Variants in C10orf71 observed in about 807,000 individuals in gnomAD.
C10orf71 encodes chromosome 10 open reading frame 71.
For synonymous variants in C10orf71, 758 were observed against 726.3 expected, an observed-to-expected ratio of 1.04 and a Z score of -0.70; for missense variants, 1,869 against 1,804.5, an observed-to-expected ratio of 1.04 and a Z score of -0.65.
In C10orf71 at chr10:49,325,506, CG is replaced by C; in HGVS notation, c.2963del (p.Gly988ValfsTer24). ...PGLVASNCKS[G>X]SADSGKLAAP... Reference sequence around the variant, plus strand: ...GCCTCGTGGCAAGCAATTGCAAGAGCGGTTCTGCAGACTCAGGGAAGCTGGC... The same window carrying C: ...GCCTCGTGGCAAGCAATTGCAAGAGCGTTCTGCAGACTCAGGGAAGCTGGC... On this transcript the variant is annotated frameshift_variant, in exon 3 of 3. Transcript: ENST00000374144. LOFTEE classifies it low-confidence loss of function (END_TRUNC). 1 of 1,550,468 alleles carries C rather than the reference CG, an allele frequency of 6.4e-7. No individual in the cohort carries two copies. Among genetic ancestry groups the C allele is most frequent in the Non-Finnish European group, 8.7e-7 (1 of 1,146,196 alleles).
intron 1 of C10orf71, among the ~76,000 whole-genome samples, chr10:49,313,246 A>G (rs1848946160): frequency 6.6e-6 from 1 of 152,236 alleles, no homozygotes; most frequent in Non-Finnish European, 1.5e-5. Context: ...GCTCTGAAGC[A>G]CATGTTGGAG....
At chr10:49,301,225 C>T (rs577547745) in intron 1 of C10orf71, among the ~76,000 whole-genome samples, 9 of 152,298 alleles carry the variant, frequency 5.9e-5, no homozygotes, top group Non-Finnish European at 5.9e-5. Context: ...GAGAAGGCCA[C>T]GCTACAGGGG....
chr10:49,327,481 T>A lies in C10orf71; in HGVS notation c.*628T>A. On this transcript the variant is annotated 3_prime_UTR_variant, in exon 3 of 3. Transcript: ENST00000374144. ...TTAAAAAGTGAAACAAGTTTGCAGA[T>A]ACGGTTCTCTTCCTGGACTCCTGTC... The A allele has an allele frequency of 5.8e-6, 1 of 173,650 alleles. No individual in the cohort carries two copies. 10.8% of individuals were successfully genotyped at this position (173,650 alleles called of 1,614,324 possible).
At chr10:49,314,027 C>T (rs549096850) in intron 1 of C10orf71, among the ~76,000 whole-genome samples, 2 of 152,232 alleles carry the variant, frequency 1.3e-5, no homozygotes, top group South Asian at 4.2e-4. Context: ...AGAGACTAAA[C>T]ATCCAGACAG....
chr10:49,315,404 A>G (rs1033334062), intron 1 of C10orf71, among the ~76,000 whole-genome samples: 9 of 152,326 alleles, frequency 5.9e-5, no homozygotes, highest in African/African-American at 2.2e-4. Context: ...TAGCTGTCAG[A>G]AGACTCAAGC....
At chr10:49,312,739 C>A (rs1001219669) in intron 1 of C10orf71, among the ~76,000 whole-genome samples, 1 of 152,210 alleles carries the variant, frequency 6.6e-6, no homozygotes, top group Non-Finnish European at 1.5e-5. Context: ...CTGGAGCCAG[C>A]TTGTCAACAG....
At chr10:49,308,095 A>G (rs1848847212) in intron 1 of C10orf71, among the ~76,000 whole-genome samples, 1 of 152,170 alleles carries the variant, frequency 6.6e-6, no homozygotes, top group African/African-American at 2.4e-5. Flanking sequence ...CAGAGAAAGC[A>G]TCACTCCTCC....
chr10:49,302,552 C>A (rs1848746664), intron 1 of C10orf71, among the ~76,000 whole-genome samples: 1 of 152,190 alleles, frequency 6.6e-6, no homozygotes, highest in African/African-American at 2.4e-5. Context: ...TCTTGTGAGC[C>A]CCCTCACGGA....
Position 49,326,245 on chromosome 10 carries a change from G to A in C10orf71, c.3700G>A (p.Val1234Met), listed in dbSNP as rs1273177861. ...PRERPRHNFP[V>M]VRSLPPPVHR... is the part of the protein sequence containing the mutation. ...AGAGAGGCCCCGACACAATTTCCCC[G>A]TGGTCCGTTCCCTGCCCCCTCCCGT... Residue 1234 changes from valine to methionine, a missense_variant, in exon 3 of 3, where the codon GTG becomes ATG. Val to Met is a conservative substitution (Grantham distance 21). Transcript: ENST00000374144. 2 of 1,550,434 alleles carry A rather than the reference G, an allele frequency of 1.3e-6. No homozygotes were observed. Among genetic ancestry groups the A allele is most frequent in the Non-Finnish European group, 1.7e-6 (2 of 1,146,948 alleles).
chr10:49,326,469 C>A lies in C10orf71; in HGVS notation c.3924C>A (p.Val1308=). The change falls in exon 3 of 3, where the codon GTC becomes GTA. Residue 1308 remains valine, a synonymous_variant. Coordinates refer to ENST00000374144, the MANE Select transcript of C10orf71 (RefSeq NM_001135196.2). ...TFYDPETGKY[V]KVSIPSSEGA... is the part of the protein sequence containing the mutation. ...ATGACCCAGAGACGGGCAAGTATGT[C>A]AAGGTCTCCATCCCGTCCTCCGAGG... 6.5e-7 allele frequency: 1 copy of A among 1,550,244 alleles called. No homozygotes were observed. Among genetic ancestry groups the A allele is most frequent in the Non-Finnish European group, 8.7e-7 (1 of 1,146,770 alleles).
At position 49,325,087 on chromosome 10, in the gene C10orf71, G is replaced by T; in HGVS notation, c.2542G>T (p.Ala848Ser). 1 of 1,551,922 alleles carries T rather than the reference G, an allele frequency of 6.4e-7. No homozygotes were observed. The highest frequency in any genetic ancestry group is 8.7e-7 in the Non-Finnish European group (1 of 1,147,058). The change falls in exon 3 of 3, where the codon GCT (alanine) becomes TCT (serine). Residue 848 changes from alanine to serine, a missense_variant. Transcript: ENST00000374144. ...AGACCTTACTCCCTCACCATCTTCTGCTTCAAACAGGCACATGCTGTTTAC... is the reference window on the plus strand; with the variant it reads ...AGACCTTACTCCCTCACCATCTTCTTCTTCAAACAGGCACATGCTGTTTAC... ...AKDLTPSPSS[A>S]SNRHMLFTIK...
chr10:49,315,586 A>C (rs1848987138), intron 1 of C10orf71, among the ~76,000 whole-genome samples: 1 of 152,234 alleles, frequency 6.6e-6, no homozygotes, highest in South Asian at 2.1e-4. Context: ...AGAAAACTGA[A>C]AGGCTTAAAA....
chr10:49,314,538 G>A (rs1264604529), intron 1 of C10orf71, among the ~76,000 whole-genome samples: 1 of 152,236 alleles, frequency 6.6e-6, no homozygotes, highest in African/African-American at 2.4e-5. Context: ...CAGCAGCAAT[G>A]TCAGTGAGTC....
intron 1 of C10orf71, among the ~76,000 whole-genome samples, chr10:49,309,830 C>A (rs1848880093): frequency 6.6e-6 from 1 of 152,180 alleles, no homozygotes; most frequent in African/African-American, 2.4e-5. Flanking sequence ...GAAAACCAAC[C>A]CAGAAAGAAG....
intron 1 of C10orf71, among the ~76,000 whole-genome samples, chr10:49,310,818 T>TGAA (rs536447518): frequency 4.6e-5 from 7 of 152,014 alleles, no homozygotes; most frequent in East Asian, 3.9e-4. Flanking sequence ...ATGATGATGA[T>TGAA]GAAGAAGAAG....
chr10:49,305,620 GA>G (rs1483035332), intron 1 of C10orf71, among the ~76,000 whole-genome samples: 1 of 152,220 alleles, frequency 6.6e-6, no homozygotes, highest in Non-Finnish European at 1.5e-5. Flanking sequence ...GTGGAGACTG[GA>G]AACATAAGCT....
chr10:49,326,351 C>G lies in C10orf71; in HGVS notation c.3806C>G (p.Ala1269Gly), dbSNP rs924510693. Reference sequence around the variant, plus strand: ...CCCCAGTCCCTCACACCCCTGCCCGCGTACCCCGCCACCCAGAAGGTCCTC... The same window carrying G: ...CCCCAGTCCCTCACACCCCTGCCCGGGTACCCCGCCACCCAGAAGGTCCTC... ...GGPQSLTPLP[A>G]YPATQKVLQD... Residue 1269 changes from alanine (A) to glycine (G), a missense_variant, in exon 3 of 3, where the codon GCG becomes GGG. By Grantham distance (60) the Ala-to-Gly change is moderately conservative. Coordinates refer to ENST00000374144, the MANE Select transcript of C10orf71 (RefSeq NM_001135196.2). 2 of 1,550,276 alleles carry G rather than the reference C, an allele frequency of 1.3e-6. No individual in the cohort carries two copies. The highest frequency in any genetic ancestry group is 3.9e-5 in the Admixed American group (2 of 50,974).
intron 2 of C10orf71, among the ~76,000 whole-genome samples, chr10:49,316,574 G>A (rs1274188966): frequency 6.6e-6 from 1 of 152,164 alleles, no homozygotes; most frequent in African/African-American, 2.4e-5. Flanking sequence ...AGCAACAGAA[G>A]CAGAAACTCA....
At chr10:49,308,435 C>T (rs185787957) in intron 1 of C10orf71, among the ~76,000 whole-genome samples, 110 of 152,290 alleles carry the variant, frequency 7.2e-4, no homozygotes, top group Admixed American at 3.0e-3. Flanking sequence ...AGTTTGGGTC[C>T]AGTCAAGCCA....
Sources: allele counts gnomAD v4.1 joint callset (sites outside exome capture counted in the v4.1 genomes callset), GRCh38; gene constraint gnomAD v4.1.1; transcripts MANE v1.5; gene names NCBI Gene and HGNC (gene_info 2026-07-23, HGNC 2026-07-21).